The following SCAF8 variants were observed in gnomAD, a reference collection of about 807,000 sequenced individuals.
SCAF8 encodes SR-related and CTD-associated factor 8.
A neutral mutation model predicts 140.5 loss-of-function variants in SCAF8; 23 were observed. That is an observed-to-expected ratio of 0.16 (90% confidence interval 0.12 to 0.23). The LOEUF (loss-of-function observed/expected upper bound fraction) is 0.23. SCAF8 is among the 10% of genes least tolerant of loss of function. The pLI is 1.00. For synonymous variants in SCAF8, 575 were observed against 528.9 expected, an observed-to-expected ratio of 1.09 and a Z score of -1.20; for missense variants, 1,397 against 1,555.7, an observed-to-expected ratio of 0.90 and a Z score of 1.72.
chr6:154,772,072 C>T (rs1043303269), intron 1 of SCAF8, among the ~76,000 whole-genome samples: 10 of 152,026 alleles, frequency 6.6e-5, no homozygotes, highest in Non-Finnish European at 1.3e-4. Flanking sequence ...GGGCAGATTT[C>T]TGAGATACGA....
Position 154,787,950 on chromosome 6 carries a change from G to T in SCAF8, c.249G>T (p.Val83=). The T allele has an allele frequency of 1.9e-6, 3 of 1,613,502 alleles. No homozygotes were observed. In the South Asian group the frequency reaches 3.3e-5, roughly 18 times the overall value. The change falls in exon 4 of 20, where the codon GTG becomes GTT. Residue 83 remains valine (V), a synonymous_variant. Coordinates refer to ENST00000367178, the MANE Select transcript of SCAF8 (RefSeq NM_014892.5). ...ATCAGTTTGGTCAAGAAAAGGATGT[G>T]TTTGCACCCAGATTTAGTAATAACA... ...SRHQFGQEKD[V]FAPRFSNNII...
Position 154,809,946 on chromosome 6 carries a change from CACTT to C in SCAF8, c.1227-67_1227-64del, listed in dbSNP as rs1158065434. The C allele has an allele frequency of 4.9e-6, 6 of 1,235,210 alleles. No individual in the cohort carries two copies. The African/African-American group carries it at 6.1e-5, about 13-fold the overall frequency. The allele number at this position is 1,235,210 out of a possible 1,614,324, so 76.5% of individuals were successfully genotyped here. A position where few individuals can be genotyped will look rare whatever the true frequency, so the allele number is the denominator to read the frequency against. ...ACTTTTTTGTTATTGTTTTTTCCCT[CACTT>C]AGAAGTGACAGATTTGGTAGAAAGA... On this transcript the variant is annotated intron_variant, in intron 11 of 19. Transcript: ENST00000367178.
chr6:154,790,090 T>C (rs1014012412), intron 4 of SCAF8, among the ~76,000 whole-genome samples: 4 of 152,214 alleles, frequency 2.6e-5, no homozygotes, highest in African/African-American at 9.6e-5. Flanking sequence ...TAGGGCTTTC[T>C]TTTAACCATA....
At chr6:154,823,017 T>G (rs1778464735) in intron 16 of SCAF8, among the ~76,000 whole-genome samples, 1 of 152,168 alleles carries the variant, frequency 6.6e-6, no homozygotes, top group South Asian at 2.1e-4. Context: ...AATGAGAAAT[T>G]TGAGCAATGA....
intron 4 of SCAF8, among the ~76,000 whole-genome samples, chr6:154,790,797 A>G (rs1777398477): frequency 2.0e-5 from 3 of 151,972 alleles, no homozygotes; most frequent in Non-Finnish European, 4.4e-5. Context: ...GGCGTGAGCC[A>G]CTGCACCTGG....
At chr6:154,766,669 C>T (rs115344208) in intron 1 of SCAF8, among the ~76,000 whole-genome samples, 6,020 of 82,650 alleles carry the variant, frequency 0.073, 275 homozygotes, top group African/African-American at 0.15. Flanking sequence ...ACCCCCCCCC[C>T]TTTTTTTTTT....
In SCAF8 at chr6:154,833,873, T is replaced by G. The variant is rs1410049849; in HGVS notation, c.*478T>G. The G allele has an allele frequency of 6.5e-6, 1 of 152,924 alleles. No individual in the cohort carries two copies. Among genetic ancestry groups the G allele is most frequent in the Non-Finnish European group, 1.5e-5 (1 of 68,360 alleles). The allele number at this position is 152,924 out of a possible 1,614,324, so 9.5% of individuals were successfully genotyped here. Reference sequence around the variant, plus strand: ...GTATTTGAGGAGCACAATACAGAGATTTTAAAAAGTGATTTTGTAAAATCT... The same window carrying G: ...GTATTTGAGGAGCACAATACAGAGAGTTTAAAAAGTGATTTTGTAAAATCT... On this transcript the variant is annotated 3_prime_UTR_variant, in exon 20 of 20. Coordinates refer to ENST00000367178, the MANE Select transcript of SCAF8 (RefSeq NM_014892.5).
At chr6:154,747,758 G>C (rs1006120724) in intron 1 of SCAF8, among the ~76,000 whole-genome samples, 1 of 152,046 alleles carries the variant, frequency 6.6e-6, no homozygotes, top group African/African-American at 2.4e-5. Context: ...CTGCCTGGTG[G>C]AAATATTCAT....
chr6:154,812,169 A>G (rs1778110941), intron 12 of SCAF8, among the ~76,000 whole-genome samples: 1 of 143,054 alleles, frequency 7.0e-6, no homozygotes, highest in Non-Finnish European at 1.5e-5. Context: ...TGCTTTGAAG[A>G]TACTGCCTTT....
intron 1 of SCAF8, among the ~76,000 whole-genome samples, 172 bp downstream of exon 1, chr6:154,734,102 G>C (rs1038441409): frequency 1.3e-5 from 2 of 152,170 alleles, no homozygotes; most frequent in African/African-American, 4.8e-5. Context: ...CCCCTCCCCC[G>C]GGTCCGGGAG....
At chr6:154,734,201 C>G (rs1257053986) in intron 1 of SCAF8, among the ~76,000 whole-genome samples, 3 of 152,174 alleles carry the variant, frequency 2.0e-5, no homozygotes, top group Non-Finnish European at 2.9e-5. Context: ...GAGGGAAAGA[C>G]CCGGTTGGGC....
chr6:154,828,928 A>G (rs752753359), intron 18 of SCAF8, among the ~76,000 whole-genome samples: 1 of 152,236 alleles, frequency 6.6e-6, no homozygotes, highest in Non-Finnish European at 1.5e-5. Flanking sequence ...AGACATACAC[A>G]TAGTAGTTTG....
chr6:154,734,319 C>T (rs937216473), intron 1 of SCAF8, among the ~76,000 whole-genome samples: 1 of 152,202 alleles, frequency 6.6e-6, no homozygotes, highest in South Asian at 2.1e-4. Context: ...CTGGACATGA[C>T]TCTCCAGACC....
At chr6:154,774,205 A>G (rs1167404522) in intron 2 of SCAF8, 133 bp downstream of exon 2, 1 of 643,976 alleles carries the variant, frequency 1.6e-6, no homozygotes, top group Non-Finnish European at 2.7e-6. Flanking sequence ...GGAAAAACAC[A>G]AAAAAGAAAA....
At chr6:154,744,565 CA>C (rs1659671393) in intron 1 of SCAF8, among the ~76,000 whole-genome samples, 1 of 152,092 alleles carries the variant, frequency 6.6e-6, no homozygotes, top group South Asian at 2.1e-4. Flanking sequence ...TGAGGCCCAA[CA>C]GTTGTGATTT....
intron 6 of SCAF8, among the ~76,000 whole-genome samples, chr6:154,798,602 C>T (rs1341148126): frequency 1.3e-5 from 2 of 151,406 alleles, no homozygotes; most frequent in African/African-American, 4.8e-5. Flanking sequence ...ATCACTAGTT[C>T]CTAGAATCAA....
At chr6:154,803,745 T>A (rs1777836213) in intron 8 of SCAF8, 122 bp downstream of exon 8, 1 of 644,544 alleles carries the variant, frequency 1.6e-6, no homozygotes, top group African/African-American at 1.8e-5. Context: ...TCTAACATTA[T>A]ACAAAGGTGG....
chr6:154,782,417 T>TCAAAACAAAA (rs200726820), intron 3 of SCAF8, among the ~76,000 whole-genome samples: 2,982 of 151,820 alleles, frequency 0.02, 31 homozygotes, highest in Non-Finnish European at 0.023. Flanking sequence ...AGAGCTTGTC[T>TCAAAACAAAA]CAAAACAAAA....
At chr6:154,794,759 T>C (rs1404174066) in intron 5 of SCAF8, among the ~76,000 whole-genome samples, 1 of 9,874 alleles carries the variant, frequency 1.0e-4, no homozygotes, top group Non-Finnish European at 1.8e-4. Flanking sequence ...ATCCTTTTGG[T>C]GGGGGGGGGG....
Sources: gnomAD v4.1 joint callset for allele counts (sites outside exome capture counted in the v4.1 genomes callset) on GRCh38, gnomAD v4.1.1 for gene constraint, MANE v1.5 for transcripts, NCBI Gene and HGNC (gene_info 2026-07-23, HGNC 2026-07-21) for gene names.